NEK1: variants seen among roughly 807,000 people sequenced by gnomAD.
The protein encoded by NEK1 is NIMA related kinase 1.
In NEK1, 137 loss-of-function variants were observed where a neutral mutation model predicts 182.1. That is an observed-to-expected ratio of 0.75 (90% confidence interval 0.65 to 0.87). The LOEUF (loss-of-function observed/expected upper bound fraction) is 0.87. NEK1 is among the 40% of genes least tolerant of loss of function. The pLI is 0.00. For missense variants in NEK1, 1,391 were observed against 1,494.4 expected, an observed-to-expected ratio of 0.93 and a Z score of 1.14; for synonymous variants, 513 against 492.2, an observed-to-expected ratio of 1.04 and a Z score of -0.56.
At chr4:169,538,992 G>A (rs1015286465) in intron 18 of NEK1, among the ~76,000 whole-genome samples, 3 of 152,070 alleles carry the variant, frequency 2.0e-5, no homozygotes, top group Non-Finnish European at 4.4e-5. Flanking sequence ...ATGAATGACA[G>A]TGATCTAAGG....
intron 31 of NEK1, among the ~76,000 whole-genome samples, chr4:169,417,894 G>C (rs556919048): frequency 4.9e-4 from 75 of 152,308 alleles, no homozygotes; most frequent in African/African-American, 1.5e-3. Context: ...AGCCTTGCTA[G>C]ACTGATGAGA....
chr4:169,538,032 C>A (rs1303008090), intron 18 of NEK1, 121 bp from the exon 19 acceptor site: 2 of 618,990 alleles, frequency 3.2e-6, no homozygotes, highest in Non-Finnish European at 5.7e-6. Context: ...GAAACACTAT[C>A]TCTGTAATGA....
rs779937441 is a variant in NEK1, at chr4:169,507,700, AT to A, written c.1911+14del. On this transcript the variant is annotated intron_variant, in intron 22 of 35. Coordinates refer to ENST00000507142, the MANE Select transcript of NEK1 (RefSeq NM_001199397.3). ...AATTTTCTCTAAGAAAACCTGTATC[AT>A]TTCTAGTCTATACCTTCAGTGATTC... is the stretch of plus-strand genomic sequence containing the variant. 4 of 1,593,610 alleles carry A rather than the reference AT, an allele frequency of 2.5e-6. No homozygotes were observed. In the East Asian group the frequency reaches 9.0e-5, roughly 36 times the overall value.
chr4:169,455,328 A>G (rs1187182182), intron 27 of NEK1, among the ~76,000 whole-genome samples: 1 of 141,680 alleles, frequency 7.1e-6, no homozygotes, highest in Non-Finnish European at 1.5e-5. Flanking sequence ...AAGCATAATC[A>G]AAAAAAAAAA....
intron 18 of NEK1, 183 bp downstream of exon 18, chr4:169,555,537 G>T: frequency 2.0e-6 from 1 of 503,242 alleles, no homozygotes. Context: ...GAACTGGAAA[G>T]CTACATGCTT....
chr4:169,585,985 T>C (rs896007366), intron 9 of NEK1, among the ~76,000 whole-genome samples: 1 of 152,070 alleles, frequency 6.6e-6, no homozygotes, highest in Non-Finnish European at 1.5e-5. Context: ...GGGGAAAATA[T>C]AATAAATAAA....
intron 3 of NEK1, 111 bp from the exon 4 acceptor site, chr4:169,602,215 C>T: frequency 1.4e-6 from 1 of 728,392 alleles, no homozygotes; most frequent in Non-Finnish European, 2.4e-6. Flanking sequence ...GTTCAATCAA[C>T]AAAATATAGC....
intron 27 of NEK1, among the ~76,000 whole-genome samples, chr4:169,446,388 T>C (rs897671598): frequency 2.0e-5 from 3 of 152,144 alleles, no homozygotes; most frequent in Admixed American, 6.5e-5. Context: ...GAAACTATTA[T>C]GAACAACTAT....
rs201538192 is a variant in NEK1 at position 169,567,097 on chromosome 4, GA to G, written c.1021-4902del. On this transcript the variant is annotated intron_variant, in intron 12 of 35. Transcript: ENST00000507142. ...GTGAAGGTCCTGTCTCAAAAAAAAA[GA>G]AAAAAAAAATCAAGGGAAAAACCTA... Among the ~76,000 whole-genome samples the G allele has an allele frequency of 9.0e-5, 13 of 143,760 alleles. No homozygotes were observed. In the South Asian group the frequency reaches 2.2e-3, roughly 24 times the overall value. The allele number at this position is 143,760 out of a possible 152,430, so 94.3% of individuals were successfully genotyped here.
rs1203640508 is a variant in NEK1, at chr4:169,507,765, CTT to C, written c.1859_1860del (p.Gln620ArgfsTer4). 1 of 1,612,926 alleles carries C rather than the reference CTT, an allele frequency of 6.2e-7. No individual in the cohort carries two copies. Among genetic ancestry groups the C allele is most frequent in the African/African-American group, 1.3e-5 (1 of 74,890 alleles). The part of the protein sequence containing the change: ...EKKEANHSEG[Q>X]EGSEEADMRR... ...CTCATGTCAGCCTCTTCACTTCCTT[CTT>C]GTCCTTCAGAATGATTAGCTTCTTT... is the stretch of plus-strand genomic sequence containing the variant. On this transcript the variant is annotated frameshift_variant, in exon 22 of 36. Transcript: ENST00000507142. LOFTEE classifies it high-confidence loss of function.
At position 169,424,698 on chromosome 4, in the gene NEK1, A is replaced by G. The variant is rs745952330; in HGVS notation, c.3077T>C (p.Leu1026Ser). 6.2e-7 allele frequency: 1 copy of G among 1,613,928 alleles called. No homozygotes were observed. Among genetic ancestry groups the G allele is most frequent in the South Asian group, 1.1e-5 (1 of 91,082 alleles). ...HKVVHSEHLNLVPQVQSVQCS... is the reference protein window; with the variant it reads ...HKVVHSEHLNSVPQVQSVQCS... The stretch of plus-strand genomic sequence containing the variant: ...CTGAACTGATTGAACTTGAGGGACT[A>G]AGTTCAAGTGTTCAGAATGAACCAC... Residue 1026 changes from leucine to serine, a missense_variant, in exon 31 of 36, where the codon TTA becomes TCA. Transcript: ENST00000507142.
intron 23 of NEK1, among the ~76,000 whole-genome samples, chr4:169,491,061 T>C (rs1162409965): frequency 7.1e-6 from 1 of 141,332 alleles, no homozygotes; most frequent in African/African-American, 2.7e-5. Flanking sequence ...GAGAATCGCT[T>C]GAACCCAGGA....
Position 169,498,899 on chromosome 4 carries a change from C to T in NEK1, c.2007+8138G>A, listed in dbSNP as rs183133391. 1.8e-3 allele frequency among the ~76,000 whole-genome samples: 276 copies of T among 152,210 alleles called. 4 individuals carry two copies. Among genetic ancestry groups the T allele is most frequent in the Non-Finnish European group, 2.5e-3 (167 of 68,022 alleles). ...TTATGTGTCTTGGAGTTGCTCTTCT[C>T]GAGGAGTATCTTTGTGGCATTCTCT... On this transcript the variant is annotated intron_variant, in intron 23 of 35. Coordinates refer to ENST00000507142, the MANE Select transcript of NEK1 (RefSeq NM_001199397.3).
chr4:169,420,943 A>G (rs1735386379), intron 31 of NEK1, among the ~76,000 whole-genome samples: 1 of 152,236 alleles, frequency 6.6e-6, no homozygotes, highest in Non-Finnish European at 1.5e-5. Flanking sequence ...TAAAAACAAG[A>G]CTTGACTAAC....
chr4:169,467,940 A>G (rs546987333), intron 26 of NEK1, among the ~76,000 whole-genome samples: 1 of 152,294 alleles, frequency 6.6e-6, no homozygotes, highest in African/African-American at 2.4e-5. Flanking sequence ...ATTTAACAAT[A>G]TGCTGCCCAT....
At chr4:169,598,259 T>A (rs1769894336) in intron 5 of NEK1, among the ~76,000 whole-genome samples, 1 of 152,150 alleles carries the variant, frequency 6.6e-6, no homozygotes, top group South Asian at 2.1e-4. Context: ...TGAAAAAACT[T>A]ATCCAAATTA....
intron 18 of NEK1, among the ~76,000 whole-genome samples, chr4:169,538,391 T>G (rs1411872470): frequency 6.6e-6 from 1 of 152,140 alleles, no homozygotes; most frequent in Non-Finnish European, 1.5e-5. Context: ...ATGTTTGAAT[T>G]CCCTAAATAT....
chr4:169,591,811 A>G (rs1405786774), intron 5 of NEK1, among the ~76,000 whole-genome samples: 1 of 152,194 alleles, frequency 6.6e-6, no homozygotes, highest in Non-Finnish European at 1.5e-5. Flanking sequence ...ACAATTTAAA[A>G]CAACTGTAGA....
At chr4:169,515,048 T>A (rs749486774) in intron 19 of NEK1, among the ~76,000 whole-genome samples, 1 of 152,204 alleles carries the variant, frequency 6.6e-6, no homozygotes, top group African/African-American at 2.4e-5. Context: ...TTCTGTTCTA[T>A]GTACATCTAA....
Sources: allele counts gnomAD v4.1 joint callset (sites outside exome capture counted in the v4.1 genomes callset), GRCh38; gene constraint gnomAD v4.1.1; transcripts MANE v1.5; gene names NCBI Gene and HGNC (gene_info 2026-07-23, HGNC 2026-07-21).